PPM1A: variants seen among roughly 807,000 people sequenced by gnomAD.
PPM1A encodes the protein protein phosphatase, Mg2+/Mn2+ dependent 1A.
A neutral mutation model predicts 35.0 loss-of-function variants in PPM1A; 7 were observed. The observed-to-expected ratio is 0.20, with a 90% CI of 0.11 to 0.38. PPM1A has a LOEUF of 0.38. Ranked by LOEUF, PPM1A falls within the 10% of genes least tolerant of loss-of-function variation. PPM1A has a pLI of 1.00. For missense variants in PPM1A, 239 were observed against 467.8 expected (o/e 0.51, Z 4.51); for synonymous variants, 153 against 167.3 (o/e 0.91, Z 0.66).
chr14:60,287,849 C>T (rs1887198604), intron 3 of PPM1A: 2 of 984,468 alleles, frequency 2.0e-6, no homozygotes, highest in Admixed American at 6.2e-5. Flanking sequence ...CTACTGACTA[C>T]CTTAGCTTTA....
At chr14:60,262,103 T>G (rs1883808783) in intron 1 of PPM1A, among the ~76,000 whole-genome samples, 1 of 152,248 alleles carries the variant, frequency 6.6e-6, no homozygotes, top group South Asian at 2.1e-4. Context: ...ATTCATTATT[T>G]AATAGATAAA....
At position 60,291,415 on chromosome 14, in the gene PPM1A, C is replaced by A. The variant is rs952653395; in HGVS notation, c.1080C>A (p.Ala360=). 3 of 1,570,928 alleles carry A rather than the reference C, an allele frequency of 1.9e-6. No homozygotes were observed. Among genetic ancestry groups the A allele is most frequent in the South Asian group, 1.2e-5 (1 of 84,620 alleles). Residue 360 remains alanine (A), a synonymous_variant, in exon 5 of 6, where the codon GCC becomes GCA. Coordinates refer to ENST00000395076, the MANE Select transcript of PPM1A (RefSeq NM_021003.5). ...CACTTAGGAGGAATGTTATTGAAGCCGTTTACAATAGACTGAATCCTTACA... is the reference window on the plus strand; with the variant it reads ...CACTTAGGAGGAATGTTATTGAAGCAGTTTACAATAGACTGAATCCTTACA... ...ELASKRNVIE[A]VYNRLNPYKN...
chr14:60,246,554 T>C (rs975480528), upstream of PPM1A, among the ~76,000 whole-genome samples: 1 of 152,190 alleles, frequency 6.6e-6, no homozygotes, highest in Non-Finnish European at 1.5e-5. Context: ...AATCTTACTG[T>C]GAACATCCCA....
chr14:60,266,862 T>C (rs1169589473), intron 1 of PPM1A, among the ~76,000 whole-genome samples: 1 of 152,186 alleles, frequency 6.6e-6, no homozygotes, highest in Non-Finnish European at 1.5e-5. Context: ...AATTTATAGA[T>C]TAAATAAAGG....
At position 60,291,303 on chromosome 14, in the gene PPM1A, TTA is replaced by T. The variant is rs1887606494; in HGVS notation, c.1062-92_1062-91del. ...ACTAAAATAATATCTGAGTATAAGATTATCTTAGAAATTTTAATAAACACCTG... is the reference window on the plus strand; with the variant it reads ...ACTAAAATAATATCTGAGTATAAGATTCTTAGAAATTTTAATAAACACCTG... On this transcript the variant is annotated intron_variant, in intron 4 of 5. Coordinates refer to ENST00000395076, the MANE Select transcript of PPM1A (RefSeq NM_021003.5). The T allele has an allele frequency of 9.7e-5, 82 of 842,316 alleles. No homozygotes were observed. The South Asian group carries it at 1.6e-3, about 17-fold the overall frequency. 52.2% of individuals were successfully genotyped at this position (842,316 alleles called of 1,614,324 possible). A position where few individuals can be genotyped will look rare whatever the true frequency, so the allele number is the denominator to read the frequency against.
In PPM1A at chr14:60,284,514, C is replaced by T. The variant is rs181429767; in HGVS notation, c.834+977C>T. 8.3e-4 allele frequency among the ~76,000 whole-genome samples: 126 copies of T among 151,638 alleles called. No individual in the cohort carries two copies. In the East Asian group the frequency reaches 0.02, roughly 24 times the overall value. Reference sequence around the variant, plus strand: ...AAAATTAGCCGGGTGTGGTGGCGGGCGCCTGTAGTCCCAGCTACGCGGGAG... The same window carrying T: ...AAAATTAGCCGGGTGTGGTGGCGGGTGCCTGTAGTCCCAGCTACGCGGGAG... On this transcript the variant is annotated intron_variant, in intron 2 of 5. Coordinates refer to ENST00000395076, the MANE Select transcript of PPM1A (RefSeq NM_021003.5).
At chr14:60,287,071 CACTTTA>C in intron 3 of PPM1A, 1 of 948,320 alleles carries the variant, frequency 1.1e-6, no homozygotes, top group Non-Finnish European at 1.3e-6. Context: ...AATGTATTGG[CACTTTA>C]ACTTGGGCAG....
chr14:60,279,303 G>T (rs1286940059), intron 1 of PPM1A, among the ~76,000 whole-genome samples: 2 of 152,124 alleles, frequency 1.3e-5, no homozygotes, highest in Non-Finnish European at 2.9e-5. Context: ...TATTAATAGA[G>T]ACAGGGTTTC....
At chr14:60,280,415 T>G (rs1886270136) in intron 1 of PPM1A, among the ~76,000 whole-genome samples, 1 of 152,370 alleles carries the variant, frequency 6.6e-6, no homozygotes, top group Middle Eastern at 3.4e-3. Flanking sequence ...TTGGTCTAAT[T>G]TCATAACTTA....
In PPM1A at chr14:60,293,279, G is replaced by T. The variant is rs1041681282; in HGVS notation, c.*797G>T. 2 of 151,950 alleles carry T rather than the reference G, an allele frequency of 1.3e-5. No individual in the cohort carries two copies. Among genetic ancestry groups the T allele is most frequent in the African/African-American group, 4.8e-5 (2 of 41,390 alleles). 9.4% of individuals were successfully genotyped at this position (151,950 alleles called of 1,614,324 possible). The stretch of plus-strand genomic sequence containing the variant: ...TGCCACATTTTTGCTATCATGATTG[G>T]CTGGGCCTGCTGCTGTTCCTAGTAA... On this transcript the variant is annotated 3_prime_UTR_variant, in exon 6 of 6. Coordinates refer to ENST00000395076, the MANE Select transcript of PPM1A (RefSeq NM_021003.5). This position sits in a 1 kb window ranked among gnomAD's most constrained non-coding sequence, Gnocchi z 4.0.
At chr14:60,276,286 C>A (rs985263262) in intron 1 of PPM1A, among the ~76,000 whole-genome samples, 1 of 152,138 alleles carries the variant, frequency 6.6e-6, no homozygotes, top group African/African-American at 2.4e-5. Flanking sequence ...TGTTTGTTAA[C>A]GTTCCTTTTC....
intron 1 of PPM1A, chr14:60,276,957 A>G: frequency 1.1e-6 from 1 of 875,778 alleles, no homozygotes; most frequent in South Asian, 2.3e-5. Context: ...TGTTCATGAA[A>G]TTTTCTGATT....
chr14:60,283,014 G>T lies in PPM1A; in HGVS notation c.311G>T (p.Gly104Val). The T allele has an allele frequency of 6.2e-7, 1 of 1,614,222 alleles. No homozygotes were observed. Among genetic ancestry groups the T allele is most frequent in the South Asian group, 1.1e-5 (1 of 91,084 alleles). ...AATGTAAAGAATGGAATCAGAACAG[G>T]TTTTCTGGAGATTGATGAACACATG... ...VENVKNGIRT[G>V]FLEIDEHMRV... Residue 104 changes from glycine to valine, a missense_variant, in exon 2 of 6, where the codon GGT (glycine) becomes GTT (valine). Gly to Val is a moderately radical substitution (Grantham distance 109, BLOSUM62 -3). Transcript: ENST00000395076. The surrounding 1 kb of genome is among the most constrained non-coding windows in gnomAD (Gnocchi z 6.3).
intron 1 of PPM1A, among the ~76,000 whole-genome samples, chr14:60,258,592 C>T (rs1883400617): frequency 6.6e-6 from 1 of 151,968 alleles, no homozygotes; most frequent in Non-Finnish European, 1.5e-5. Flanking sequence ...CCGTAGATTT[C>T]TTTTAGGGTC....
At chr14:60,284,641 C>CAA (rs766936496) in intron 2 of PPM1A, among the ~76,000 whole-genome samples, 1,782 of 78,198 alleles carry the variant, frequency 0.023, 42 homozygotes, top group African/African-American at 0.07. Context: ...GACTCCGTCT[C>CAA]AAAAAAAAAA....
intron 1 of PPM1A, among the ~76,000 whole-genome samples, chr14:60,261,022 C>A (rs1327230263): frequency 6.6e-6 from 1 of 152,130 alleles, no homozygotes; most frequent in Non-Finnish European, 1.5e-5. Context: ...GTGAATTGTT[C>A]AGCAGCCTCT....
intron 1 of PPM1A, among the ~76,000 whole-genome samples, chr14:60,257,260 T>A (rs958804705): frequency 1.3e-5 from 2 of 152,224 alleles, no homozygotes; most frequent in African/African-American, 4.8e-5. Flanking sequence ...TAGCTGAGTT[T>A]ACAATAGAGA....
intron 1 of PPM1A, among the ~76,000 whole-genome samples, chr14:60,276,102 G>A (rs1314347675): frequency 6.6e-6 from 1 of 152,116 alleles, no homozygotes; most frequent in East Asian, 1.9e-4. Flanking sequence ...CCATAAATAT[G>A]CATTCCAGAA....
chr14:60,259,056 C>A (rs1031910731), intron 1 of PPM1A, among the ~76,000 whole-genome samples: 3 of 152,036 alleles, frequency 2.0e-5, no homozygotes, highest in Non-Finnish European at 4.4e-5. Flanking sequence ...TAGGTGGTTA[C>A]ACATTTTTTA....
Sources: gnomAD v4.1 joint callset for allele counts (sites outside exome capture counted in the v4.1 genomes callset) on GRCh38, gnomAD v4.1.1 for gene constraint, Gnocchi (gnomAD v3.1) non-coding constraint, MANE v1.5 for transcripts, NCBI Gene and HGNC (gene_info 2026-07-23, HGNC 2026-07-21) for gene names.